ZNF716: variants seen among roughly 807,000 people sequenced by gnomAD.
ZNF716 encodes the protein zinc finger protein 716.
Under a neutral mutation model 13.4 loss-of-function variants are expected in ZNF716, and 9 were observed. The observed-to-expected ratio is 0.67, with a 90% CI of 0.41 to 1.18. ZNF716 has a LOEUF of 1.18. Among genes scored for constraint, ZNF716 ranks in the 50% most tolerant of loss-of-function variants. The pLI, the probability that ZNF716 is intolerant of heterozygous loss-of-function variation, is 0.01. For synonymous variants in ZNF716, 186 were observed against 195.2 expected, an observed-to-expected ratio of 0.95 and a Z score of 0.39; for missense variants, 581 against 576.6, an observed-to-expected ratio of 1.01 and a Z score of -0.08.
intron 1 of ZNF716, among the ~76,000 whole-genome samples, chr7:57,450,557 G>A (rs1554321394): frequency 6.6e-6 from 1 of 151,716 alleles, no homozygotes. Flanking sequence ...CTTTGCCCTG[G>A]ACTGGAGCCC....
intron 3 of ZNF716, 132 bp from the exon 4 acceptor site, chr7:57,468,592 G>A (rs1789854551): frequency 1.1e-6 from 1 of 899,688 alleles, no homozygotes; most frequent in Non-Finnish European, 1.6e-6. Context: ...CATCTATGAA[G>A]GAATTACGGC....
chr7:57,468,689 T>C (rs1789856063), intron 3 of ZNF716, 35 bp from the exon 4 acceptor site: 1 of 1,571,882 alleles, frequency 6.4e-7, no homozygotes, highest in African/African-American at 1.4e-5. Context: ...CTGAGTGTAG[T>C]AAGTGGAGAA....
At position 57,469,397 on chromosome 7, in the gene ZNF716, T is replaced by C; in HGVS notation, c.936T>C (p.Thr312=). 6.2e-7 allele frequency: 1 copy of C among 1,613,770 alleles called. No homozygotes were observed. The highest frequency in any genetic ancestry group is 1.3e-5 in the African/African-American group (1 of 74,988). Residue 312 remains threonine, a synonymous_variant, in exon 4 of 4, where the codon ACT becomes ACC. Transcript: ENST00000420713. ...GKAFSRSSTL[T]NHKRIHTGER... ...CCTTTAGCCGCTCTTCAACACTTAC[T>C]AACCACAAGAGAATTCATACTGGAG...
At chr7:57,452,744 G>A (rs73345911) in intron 1 of ZNF716, among the ~76,000 whole-genome samples, 1,725 of 152,220 alleles carry the variant, frequency 0.011, 42 homozygotes, top group African/African-American at 0.039. Flanking sequence ...ATAATGTGTG[G>A]GTTGAGTTTT....
In ZNF716 at chr7:57,469,420, G is replaced by C. The variant is rs782074181; in HGVS notation, c.959G>C (p.Gly320Ala). Residue 320 changes from glycine to alanine, a missense_variant, in exon 4 of 4, where the codon GGA (glycine) becomes GCA (alanine). Physicochemically the swap from Gly to Ala is moderately conservative, Grantham distance 60. Coordinates refer to ENST00000420713, the MANE Select transcript of ZNF716 (RefSeq NM_001159279.1). ...ACTAACCACAAGAGAATTCATACTGGAGAGAGACCCTACAAATGTGAAGAA... is the reference window on the plus strand; with the variant it reads ...ACTAACCACAAGAGAATTCATACTGCAGAGAGACCCTACAAATGTGAAGAA... ...TLTNHKRIHT[G>A]ERPYKCEECG... 1.1e-5 allele frequency: 17 copies of C among 1,613,882 alleles called. No homozygotes were observed. In the African/African-American group the frequency reaches 2.1e-4, roughly 20 times the overall value.
rs187940783 is a variant in ZNF716 at position 57,468,979 on chromosome 7, A to G, written c.518A>G (p.Asn173Ser). Residue 173 changes from asparagine (N) to serine (S), a missense_variant, in exon 4 of 4, where the codon AAT becomes AGT. Physicochemically the swap from Asn to Ser is conservative, Grantham distance 46 (BLOSUM62 1). Transcript: ENST00000420713. ...VKVFGKFSNS[N>S]RHKTRHTGKK... is the part of the protein sequence containing the mutation. Reference sequence around the variant, plus strand: ...GTCTTTGGTAAATTTTCAAATTCCAATAGACACAAGACAAGACATACTGGA... The same window carrying G: ...GTCTTTGGTAAATTTTCAAATTCCAGTAGACACAAGACAAGACATACTGGA... 175 of 1,608,372 alleles carry G rather than the reference A, an allele frequency of 1.1e-4. 2 individuals are homozygous for G. In the South Asian group the frequency reaches 1.8e-3, roughly 17 times the overall value.
At chr7:57,457,638 C>T (rs1789623759) in intron 1 of ZNF716, among the ~76,000 whole-genome samples, 2 of 152,264 alleles carry the variant, frequency 1.3e-5, no homozygotes, top group South Asian at 4.1e-4. Context: ...GCCACCACAC[C>T]CAGCCACATT....
rs1487837124 is a variant in ZNF716 at position 57,470,882 on chromosome 7, G to A, written c.*933G>A. 1 of 152,090 alleles carries A rather than the reference G, an allele frequency of 6.6e-6. No homozygotes were observed. The highest frequency in any genetic ancestry group is 1.5e-5 in the Non-Finnish European group (1 of 68,022). 9.4% of individuals were successfully genotyped at this position (152,090 alleles called of 1,614,324 possible). ...GAAATCATACTGGTGAAAAACTCTA[G>A]AAATGTGTTAAATGAGGTAAGTCCT... is the stretch of plus-strand genomic sequence containing the variant. On this transcript the variant is annotated 3_prime_UTR_variant, in exon 4 of 4. Coordinates refer to ENST00000420713, the MANE Select transcript of ZNF716 (RefSeq NM_001159279.1).
In ZNF716 at chr7:57,450,305, G is replaced by C. The variant is rs781904425; in HGVS notation, c.17G>C (p.Gly6Ala). 1 of 1,613,996 alleles carries C rather than the reference G, an allele frequency of 6.2e-7. No homozygotes were observed. Among genetic ancestry groups the C allele is most frequent in the South Asian group, 1.1e-5 (1 of 91,082 alleles). The change falls in exon 1 of 4, where the codon GGA (glycine) becomes GCA (alanine). Residue 6 changes from glycine (G) to alanine (A), a missense_variant. Gly to Ala is a moderately conservative substitution (Grantham distance 60). Coordinates refer to ENST00000420713, the MANE Select transcript of ZNF716 (RefSeq NM_001159279.1). Reference protein sequence around the residue: MAKRPGPPGSREMGLL... With the variant: MAKRPAPPGSREMGLL... ...CGCAGATTTATGGCTAAAAGACCGGGACCCCCTGGAAGCCGAGAAATGGTG... is the reference window on the plus strand; with the variant it reads ...CGCAGATTTATGGCTAAAAGACCGGCACCCCCTGGAAGCCGAGAAATGGTG...
rs1554325541 is a variant in ZNF716, at chr7:57,472,926, A to C, written c.*2977A>C. ...ATGTTAACACATGCACATAATATTT[A>C]ATGATCACAACAGAGTAAATGAGGC... On this transcript the variant is annotated 3_prime_UTR_variant, in exon 4 of 4. Coordinates refer to ENST00000420713, the MANE Select transcript of ZNF716 (RefSeq NM_001159279.1). 1 of 152,176 alleles carries C rather than the reference A, an allele frequency of 6.6e-6. No homozygotes were observed. The highest frequency in any genetic ancestry group is 1.9e-4 in the East Asian group (1 of 5,196). The allele number at this position is 152,176 out of a possible 1,614,324, so 9.4% of individuals were successfully genotyped here.
In ZNF716 at chr7:57,469,157, A is replaced by C. The variant is rs1789870698; in HGVS notation, c.696A>C (p.Lys232Asn). 1 of 1,611,826 alleles carries C rather than the reference A, an allele frequency of 6.2e-7. No homozygotes were observed. Among genetic ancestry groups the C allele is most frequent in the Admixed American group, 1.7e-5 (1 of 59,570 alleles). Residue 232 changes from lysine (K) to asparagine (N), a missense_variant, in exon 4 of 4, where the codon AAA becomes AAC. Lys to Asn is a moderately conservative substitution (Grantham distance 94, BLOSUM62 0). Coordinates refer to ENST00000420713, the MANE Select transcript of ZNF716 (RefSeq NM_001159279.1). ...GCTCTTCAACCCTTACTAGACATAAAAGAATTCATACTGGAGAGAAACCCT... is the reference window on the plus strand; with the variant it reads ...GCTCTTCAACCCTTACTAGACATAACAGAATTCATACTGGAGAGAAACCCT... Reference protein sequence around the residue: ...FNCSSTLTRHKRIHTGEKPYR... With the variant: ...FNCSSTLTRHNRIHTGEKPYR...
chr7:57,464,115 C>CTTTTT (rs782745508), intron 3 of ZNF716, among the ~76,000 whole-genome samples: 13,740 of 104,528 alleles, frequency 0.13, 1,840 homozygotes, highest in East Asian at 0.29. Flanking sequence ...TTGTCCATTT[C>CTTTTT]TTTTTTCTTT....
chr7:57,456,968 C>T (rs1433828313), intron 1 of ZNF716, among the ~76,000 whole-genome samples: 1 of 152,136 alleles, frequency 6.6e-6, no homozygotes, highest in Non-Finnish European at 1.5e-5. Context: ...CAGACCTCCT[C>T]CTTTCAGAGC....
At chr7:57,464,939 G>A (rs1789778709) in intron 3 of ZNF716, among the ~76,000 whole-genome samples, 1 of 152,064 alleles carries the variant, frequency 6.6e-6, no homozygotes, top group Non-Finnish European at 1.5e-5. Context: ...GTCTTTATCT[G>A]TCCTTATGTG....
chr7:57,465,194 C>T lies in ZNF716; in HGVS notation c.262+2026C>T, dbSNP rs1395112366. 5.9e-5 allele frequency among the ~76,000 whole-genome samples: 9 copies of T among 152,064 alleles called. No homozygotes were observed. In the East Asian group the frequency reaches 7.7e-4, roughly 13 times the overall value. On this transcript the variant is annotated intron_variant, in intron 3 of 3. Transcript: ENST00000420713. ...AAGATATCAATTAAGTATTTTGACC[C>T]GTGAGCAAAAATGTTGAATTAAATT... is the stretch of plus-strand genomic sequence containing the variant.
At chr7:57,467,365 T>G (rs1348399886) in intron 3 of ZNF716, among the ~76,000 whole-genome samples, 1 of 152,154 alleles carries the variant, frequency 6.6e-6, no homozygotes, top group African/African-American at 2.4e-5. Context: ...TAATTTTAAG[T>G]GGAAGGACCT....
At chr7:57,462,415 T>C in intron 1 of ZNF716, 45 bp from the exon 2 acceptor site, 1 of 1,592,670 alleles carries the variant, frequency 6.3e-7, no homozygotes, top group Non-Finnish European at 8.6e-7. Flanking sequence ...TAACTGTTTG[T>C]GTGTTCATGA....
chr7:57,463,291 G>A (rs1362524895), intron 3 of ZNF716, 123 bp downstream of exon 3: 1 of 1,359,454 alleles, frequency 7.4e-7, no homozygotes, highest in African/African-American at 1.5e-5. Context: ...AGAAGCCAGA[G>A]TCATTTTTTT....
intron 1 of ZNF716, among the ~76,000 whole-genome samples, chr7:57,455,942 T>C (rs1789579626): frequency 6.6e-6 from 1 of 151,174 alleles, no homozygotes; most frequent in South Asian, 2.1e-4. Context: ...TTTTTTTTGT[T>C]TTTTTGTTTG....
Sources: allele counts gnomAD v4.1 joint callset (sites outside exome capture counted in the v4.1 genomes callset), GRCh38; gene constraint gnomAD v4.1.1; transcripts MANE v1.5; gene names NCBI Gene and HGNC (gene_info 2026-07-23, HGNC 2026-07-21).